Variants in ANKS1B observed in about 807,000 individuals in gnomAD.
ANKS1B encodes ankyrin repeat and sterile alpha motif domain containing 1B.
In ANKS1B, 36 loss-of-function variants were observed where a neutral mutation model predicts 148.3. The ratio of observed to expected loss-of-function variants is 0.24; its 90% confidence interval spans 0.19 to 0.32. The LOEUF (loss-of-function observed/expected upper bound fraction) is 0.32. Among genes scored for constraint, ANKS1B ranks in the 10% least tolerant of loss-of-function variants. ANKS1B has a pLI of 1.00. For missense variants in ANKS1B, 1,157 were observed against 1,542.6 expected (o/e 0.75, Z 4.19); for synonymous variants, 542 against 560.8 (o/e 0.97, Z 0.47).
chr12:99,110,027 T>G (rs938494606), intron 15 of ANKS1B, among the ~76,000 whole-genome samples: 11 of 152,152 alleles, frequency 7.2e-5, no homozygotes, highest in African/African-American at 2.7e-4. Context: ...TGAAATTAGA[T>G]GTAGGGTTTA....
chr12:99,424,957 A>C (rs1291607138), intron 11 of ANKS1B, among the ~76,000 whole-genome samples: 1 of 152,010 alleles, frequency 6.6e-6, no homozygotes, highest in Non-Finnish European at 1.5e-5. Flanking sequence ...GCCAACCTGT[A>C]ACCAGCCGTT....
At chr12:99,046,541 T>C (rs1357687383) in intron 17 of ANKS1B, among the ~76,000 whole-genome samples, 2 of 151,550 alleles carry the variant, frequency 1.3e-5, no homozygotes, top group African/African-American at 4.8e-5. Flanking sequence ...GGCTCATGCC[T>C]GTAATCCCAG....
At chr12:98,937,895 G>GGA (rs35321454) in intron 17 of ANKS1B, among the ~76,000 whole-genome samples, 94,934 of 150,018 alleles carry the variant, frequency 0.63, 32,394 homozygotes, top group Non-Finnish European at 0.76. Context: ...CATGGCAGCA[G>GGA]GAGAGAGAGA....
chr12:99,082,498 A>G (rs2050149787), intron 16 of ANKS1B, among the ~76,000 whole-genome samples: 1 of 152,198 alleles, frequency 6.6e-6, no homozygotes, highest in Non-Finnish European at 1.5e-5. Flanking sequence ...GAAGCAGGGT[A>G]TAGCATGACC....
chr12:99,906,486 A>G (rs1360142556), intron 1 of ANKS1B, among the ~76,000 whole-genome samples: 1 of 152,198 alleles, frequency 6.6e-6, no homozygotes, highest in African/African-American at 2.4e-5. Context: ...CACACCTAAT[A>G]TAACTCATTC....
intron 17 of ANKS1B, among the ~76,000 whole-genome samples, chr12:98,868,428 CAT>C (rs1436179162): frequency 5.9e-5 from 9 of 152,242 alleles, no homozygotes; most frequent in African/African-American, 2.2e-4. Flanking sequence ...GCAGGATGCA[CAT>C]GTTAGAAAAG....
At chr12:99,815,131 A>G (rs1404485398) in intron 2 of ANKS1B, among the ~76,000 whole-genome samples, 1 of 151,794 alleles carries the variant, frequency 6.6e-6, no homozygotes, top group Non-Finnish European at 1.5e-5. Context: ...GGGATCATCA[A>G]TTCTATTTCC....
At chr12:98,742,829 C>G (rs972529853), downstream of ANKS1B, among the ~76,000 whole-genome samples, 3 of 152,188 alleles carry the variant, frequency 2.0e-5, no homozygotes, top group African/African-American at 7.2e-5. Context: ...GTGGGGCTGG[C>G]TGGCTGGCTG....
At chr12:99,151,866 C>T (rs1292551233) in intron 15 of ANKS1B, among the ~76,000 whole-genome samples, 1 of 152,132 alleles carries the variant, frequency 6.6e-6, no homozygotes, top group East Asian at 1.9e-4. Context: ...ATTAATTATA[C>T]CCTTTTGATT....
At chr12:99,357,196 TA>T (rs2092073335) in intron 12 of ANKS1B, among the ~76,000 whole-genome samples, 1 of 152,164 alleles carries the variant, frequency 6.6e-6, no homozygotes, top group African/African-American at 2.4e-5. Flanking sequence ...TTTATTCATT[TA>T]ACATTATATT....
chr12:99,052,638 G>A (rs2099966895), intron 17 of ANKS1B, among the ~76,000 whole-genome samples: 1 of 146,272 alleles, frequency 6.8e-6, no homozygotes, highest in Non-Finnish European at 1.5e-5. Flanking sequence ...TGAGGCAGGA[G>A]AATGGCGTGA....
intron 12 of ANKS1B, among the ~76,000 whole-genome samples, chr12:99,288,064 G>T (rs1349309936): frequency 1.3e-5 from 2 of 152,026 alleles, no homozygotes; most frequent in African/African-American, 2.4e-5. Flanking sequence ...GAACAAGAAG[G>T]TTCTATAACA....
intron 19 of ANKS1B, 95 bp from the exon 20 acceptor site, chr12:98,808,013 A>C: frequency 1.1e-6 from 1 of 943,828 alleles, no homozygotes; most frequent in Middle Eastern, 2.2e-4. Context: ...AAATAATAAA[A>C]TGCAAAGAAT....
At chr12:99,709,520 G>T (rs961698132) in intron 8 of ANKS1B, among the ~76,000 whole-genome samples, 1 of 152,054 alleles carries the variant, frequency 6.6e-6, no homozygotes, top group Non-Finnish European at 1.5e-5. Context: ...AGATGCTGCA[G>T]GTATTAAAAG....
chr12:99,857,447 A>G (rs977093023), intron 1 of ANKS1B, among the ~76,000 whole-genome samples: 1 of 152,186 alleles, frequency 6.6e-6, no homozygotes, highest in Non-Finnish European at 1.5e-5. Flanking sequence ...CAATATTGTG[A>G]AAATGACCAT....
chr12:98,927,568 A>AT (rs2099809863), intron 17 of ANKS1B, among the ~76,000 whole-genome samples: 2 of 151,900 alleles, frequency 1.3e-5, no homozygotes, highest in Non-Finnish European at 2.9e-5. Context: ...TTTAATTGAA[A>AT]TTTTTTTCTT....
At chr12:99,129,656 A>G (rs779777237) in intron 15 of ANKS1B, among the ~76,000 whole-genome samples, 2 of 152,220 alleles carry the variant, frequency 1.3e-5, no homozygotes, top group African/African-American at 2.4e-5. Context: ...CCTTGCTGTC[A>G]GTCTAGACAG....
intron 9 of ANKS1B, among the ~76,000 whole-genome samples, chr12:99,596,223 A>G (rs568132535): frequency 6.6e-6 from 1 of 152,044 alleles, no homozygotes; most frequent in East Asian, 1.9e-4. Context: ...TCAAGATGTG[A>G]GTAGAACCAT....
chr12:99,352,660 C>T (rs1360257512), intron 12 of ANKS1B, among the ~76,000 whole-genome samples: 2 of 152,044 alleles, frequency 1.3e-5, no homozygotes, highest in African/African-American at 2.4e-5. Context: ...GAGGCCATCC[C>T]CATCAGGCAA....
Sources: allele counts gnomAD v4.1 joint callset (sites outside exome capture counted in the v4.1 genomes callset), GRCh38; gene constraint gnomAD v4.1.1; transcripts MANE v1.5; gene names NCBI Gene and HGNC (gene_info 2026-07-23, HGNC 2026-07-21).